The following ELAVL1 variants were observed in gnomAD, a reference collection of about 807,000 sequenced individuals.
ELAVL1 encodes ELAV like RNA binding protein 1.
ELAVL1 carries 1 observed loss-of-function variant against 28.4 expected under a neutral mutation model. The ratio of observed to expected loss-of-function variants is 0.04; its 90% CI spans 0.01 to 0.17. ELAVL1 has a LOEUF of 0.17. Ranked by LOEUF, ELAVL1 falls within the 10% of genes least tolerant of loss-of-function variation. The probability of loss-of-function intolerance (pLI) is 1.00; values close to 1 mark genes in which losing one functional copy is unlikely to be tolerated. For synonymous variants in ELAVL1, 174 were observed against 183.5 expected (o/e 0.95, Z 0.42); for missense variants, 157 against 447.2 (o/e 0.35, Z 5.85).
intron 4 of ELAVL1, among the ~76,000 whole-genome samples, chr19:7,968,243 C>A (rs1985007374): frequency 6.6e-6 from 1 of 152,210 alleles, no homozygotes; most frequent in Admixed American, 6.5e-5. Context: ...AGGGGCCACT[C>A]TCCTGGCTGC....
At chr19:7,969,077 CTT>C (rs769105979) in intron 4 of ELAVL1, among the ~76,000 whole-genome samples, 3 of 152,216 alleles carry the variant, frequency 2.0e-5, no homozygotes, top group Non-Finnish European at 2.9e-5. Context: ...GTTCTCAAGA[CTT>C]TTAGTCAAGC....
At chr19:8,001,374 G>C (rs1195488027) in intron 1 of ELAVL1, among the ~76,000 whole-genome samples, 2 of 152,130 alleles carry the variant, frequency 1.3e-5, no homozygotes, top group African/African-American at 4.8e-5. Flanking sequence ...TTTGACATGT[G>C]AGATCTCTCA....
chr19:7,971,316 A>G (rs1413760436), intron 4 of ELAVL1, among the ~76,000 whole-genome samples: 2 of 152,132 alleles, frequency 1.3e-5, no homozygotes, highest in Non-Finnish European at 2.9e-5. Flanking sequence ...CTCCAAGTGG[A>G]GCACAGGCTT....
At chr19:7,973,663 C>T (rs759308843) in intron 4 of ELAVL1, 62 bp downstream of exon 4, 23 of 1,561,566 alleles carry the variant, frequency 1.5e-5, no homozygotes, top group Middle Eastern at 1.7e-4. Context: ...TCTGCCTTCC[C>T]TAGAAAACCC....
chr19:7,985,395 G>A (rs944244263), intron 2 of ELAVL1, among the ~76,000 whole-genome samples: 4 of 152,204 alleles, frequency 2.6e-5, no homozygotes, highest in African/African-American at 7.2e-5. Flanking sequence ...TGGAGTTCAA[G>A]GCAACAACTT....
intron 2 of ELAVL1, among the ~76,000 whole-genome samples, chr19:7,983,474 A>C (rs1985519713): frequency 6.6e-6 from 1 of 152,188 alleles, no homozygotes; most frequent in Non-Finnish European, 1.5e-5. Flanking sequence ...CGGGATGGCA[A>C]GGGCAGGACC....
intron 2 of ELAVL1, among the ~76,000 whole-genome samples, chr19:7,988,145 G>A (rs770240497): frequency 6.6e-6 from 1 of 152,196 alleles, no homozygotes; most frequent in Non-Finnish European, 1.5e-5. Flanking sequence ...GAGAGCCAAG[G>A]ACACGCCTAG....
In ELAVL1 at chr19:7,991,706, C is replaced by T; in HGVS notation, c.110G>A (p.Arg37Gln). The change falls in exon 2 of 6, where the codon CGA (arginine) becomes CAA (glutamine). Residue 37 changes from arginine to glutamine, a missense_variant. By Grantham distance (43) the Arg-to-Gln change is conservative. This residue lies in a region of ELAVL1 where 28 missense variants were observed against 89.7 expected (regional missense o/e 0.31). Coordinates refer to ENST00000407627, the MANE Select transcript of ELAVL1 (RefSeq NM_001419.3). ...TTCACCAATGCTGCTGAACAGGCTT[C>T]GTAACTCATCCTGGGTCATGTTCTG... Reference protein sequence around the residue: ...LPQNMTQDELRSLFSSIGEVE... With the variant: ...LPQNMTQDELQSLFSSIGEVE... 6.2e-7 allele frequency: 1 copy of T among 1,614,120 alleles called. No individual in the cohort carries two copies. Among genetic ancestry groups the T allele is most frequent in the Non-Finnish European group, 8.5e-7 (1 of 1,180,006 alleles).
intron 1 of ELAVL1, among the ~76,000 whole-genome samples, chr19:7,993,063 C>T (rs1401088886): frequency 6.6e-6 from 1 of 152,208 alleles, no homozygotes; most frequent in Non-Finnish European, 1.5e-5. Context: ...GCCACTGTGT[C>T]CGGCTTCTTT....
chr19:7,998,417 G>A (rs1226922548), intron 1 of ELAVL1, among the ~76,000 whole-genome samples: 1 of 152,186 alleles, frequency 6.6e-6, no homozygotes, highest in Non-Finnish European at 1.5e-5. Context: ...CTCACGGTCA[G>A]GCATGCCATT....
intron 3 of ELAVL1, among the ~76,000 whole-genome samples, chr19:7,974,881 C>G (rs1985236518): frequency 1.3e-5 from 2 of 152,320 alleles, no homozygotes; most frequent in Non-Finnish European, 2.9e-5. Flanking sequence ...TGAGAAGCTC[C>G]TATCATGTTC....
chr19:7,994,597 C>T (rs1735022121), intron 1 of ELAVL1, among the ~76,000 whole-genome samples: 1 of 152,098 alleles, frequency 6.6e-6, no homozygotes, highest in Non-Finnish European at 1.5e-5. Flanking sequence ...GAGGAAAATG[C>T]AAAAGAAAAC....
chr19:7,977,459 C>T (rs971105745), intron 3 of ELAVL1, among the ~76,000 whole-genome samples: 1 of 152,158 alleles, frequency 6.6e-6, no homozygotes, highest in African/African-American at 2.4e-5. Flanking sequence ...GGTCTGGCCC[C>T]GTCAGCCTTT....
intron 2 of ELAVL1, among the ~76,000 whole-genome samples, chr19:7,983,710 T>C (rs1357150852): frequency 2.0e-5 from 3 of 152,114 alleles, no homozygotes; most frequent in Admixed American, 1.3e-4. Flanking sequence ...CACACACTGA[T>C]AGGGACTCGA....
At chr19:7,967,128 T>C (rs562327419) in intron 5 of ELAVL1, among the ~76,000 whole-genome samples, 2 of 152,194 alleles carry the variant, frequency 1.3e-5, no homozygotes, top group Non-Finnish European at 2.9e-5. Context: ...CTCAACCTCC[T>C]GGGCTCAAGC....
intron 4 of ELAVL1, among the ~76,000 whole-genome samples, chr19:7,968,248 G>A (rs1328278427): frequency 6.6e-6 from 1 of 152,212 alleles, no homozygotes; most frequent in East Asian, 1.9e-4. Context: ...CCACTCTCCT[G>A]GCTGCTGTCT....
Position 7,981,256 on chromosome 19 carries a change from C to T in ELAVL1, c.173-70G>A, listed in dbSNP as rs954165072. ...AGTGAGGGACAGGGAGGTCGGGAAG[C>T]ACTATATCTGCCTGGCCTTTGGGAA... On this transcript the variant is annotated intron_variant, in intron 2 of 5. Coordinates refer to ENST00000407627, the MANE Select transcript of ELAVL1 (RefSeq NM_001419.3). This position sits in a 1 kb window ranked among gnomAD's most constrained non-coding sequence, Gnocchi z 4.2. 1 of 1,467,206 alleles carries T rather than the reference C, an allele frequency of 6.8e-7. No individual in the cohort carries two copies. The highest frequency in any genetic ancestry group is 2.3e-5 in the East Asian group (1 of 43,960). The allele number at this position is 1,467,206 out of a possible 1,614,324, so 90.9% of individuals were successfully genotyped here. A position where few individuals can be genotyped will look rare whatever the true frequency, so the allele number is the denominator to read the frequency against.
At chr19:7,970,932 A>G (rs1985092315) in intron 4 of ELAVL1, among the ~76,000 whole-genome samples, 1 of 152,178 alleles carries the variant, frequency 6.6e-6, no homozygotes, top group Admixed American at 6.5e-5. Context: ...CCTGCCACAC[A>G]CACTCTGTCT....
At chr19:7,969,579 T>C (rs1302164576) in intron 4 of ELAVL1, among the ~76,000 whole-genome samples, 1 of 152,206 alleles carries the variant, frequency 6.6e-6, no homozygotes, top group Non-Finnish European at 1.5e-5. Context: ...CCCTGACAGA[T>C]GCTGTTTTCT....
Sources: gnomAD v4.1 joint callset for allele counts (sites outside exome capture counted in the v4.1 genomes callset) on GRCh38, gnomAD v4.1.1 for gene constraint, gnomAD v4.1.1 regional missense constraint, Gnocchi (gnomAD v3.1) non-coding constraint, MANE v1.5 for transcripts, NCBI Gene and HGNC (gene_info 2026-07-23, HGNC 2026-07-21) for gene names.